RPS6KA2: variants seen among roughly 807,000 people sequenced by gnomAD.
RPS6KA2 encodes ribosomal protein S6 kinase A2, also known as ribosomal protein S6 kinase alpha-2.
In RPS6KA2, 42 loss-of-function variants were observed where a neutral mutation model predicts 91.8. The observed-to-expected ratio is 0.46, with a 90% CI of 0.36 to 0.59. The LOEUF (loss-of-function observed/expected upper bound fraction) is 0.59, where lower values mean the gene tolerates loss of function less well. Ranked by LOEUF, RPS6KA2 falls within the 20% of genes least tolerant of loss-of-function variation. The pLI is 0.00. For missense variants in RPS6KA2, 798 were observed against 978.5 expected, an observed-to-expected ratio of 0.82 and a Z score of 2.46; for synonymous variants, 414 against 393.6, an observed-to-expected ratio of 1.05 and a Z score of -0.61.
At chr6:166,741,175 G>A (rs1239982165) in intron 2 of RPS6KA2, among the ~76,000 whole-genome samples, 1 of 152,226 alleles carries the variant, frequency 6.6e-6, no homozygotes, top group Admixed American at 6.5e-5. Context: ...AACACACAAA[G>A]CCATTCTATG....
intron 2 of RPS6KA2, among the ~76,000 whole-genome samples, chr6:166,697,576 A>G (rs1355859369): frequency 6.6e-6 from 1 of 152,174 alleles, no homozygotes; most frequent in East Asian, 1.9e-4. Context: ...GCAAACAAGA[A>G]CCACACCCTA....
At chr6:166,812,125 C>T (rs558975673) in intron 2 of RPS6KA2, among the ~76,000 whole-genome samples, 5 of 152,180 alleles carry the variant, frequency 3.3e-5, no homozygotes, top group East Asian at 3.9e-4. Context: ...GAGGCCAAGA[C>T]GGGAGGATCA....
chr6:166,504,293 C>A (rs117323317), intron 6 of RPS6KA2, among the ~76,000 whole-genome samples: 2,071 of 152,312 alleles, frequency 0.014, 25 homozygotes, highest in South Asian at 0.026. Flanking sequence ...GAGAATGGGC[C>A]TGGGCATTTC....
At chr6:166,763,722 G>A (rs1778231825) in intron 2 of RPS6KA2, among the ~76,000 whole-genome samples, 1 of 152,224 alleles carries the variant, frequency 6.6e-6, no homozygotes, top group Non-Finnish European at 1.5e-5. Flanking sequence ...TTCGTAAGTA[G>A]TGAGGCACCA....
chr6:166,681,421 C>A lies in RPS6KA2; in HGVS notation c.124-142637G>T, dbSNP rs570578082. Among the ~76,000 whole-genome samples the A allele has an allele frequency of 2.3e-3, 356 of 152,290 alleles. 3 individuals are homozygous for A. The highest frequency in any genetic ancestry group is 6.8e-3 in the Middle Eastern group (2 of 294). ...GAAACCACGCCCTTCTTCTAGATTC[C>A]GTCTTGACATAAGGTCCAAGTTTCT... is the stretch of plus-strand genomic sequence containing the variant. On this transcript the variant is annotated intron_variant, in intron 2 of 21. Coordinates refer to the RPS6KA2 transcript ENST00000503859.
chr6:166,707,128 G>C (rs1789701547), intron 2 of RPS6KA2, among the ~76,000 whole-genome samples: 1 of 152,230 alleles, frequency 6.6e-6, no homozygotes, highest in African/African-American at 2.4e-5. Context: ...AGCAGGCAAA[G>C]GAAGAGAAAA....
chr6:166,455,922 C>T (rs1780088601), intron 12 of RPS6KA2, among the ~76,000 whole-genome samples: 1 of 152,218 alleles, frequency 6.6e-6, no homozygotes, highest in African/African-American at 2.4e-5. Context: ...AGACTCAGAG[C>T]TTGAGCTTAT....
intron 2 of RPS6KA2, among the ~76,000 whole-genome samples, chr6:166,830,624 T>C (rs1479247217): frequency 6.6e-6 from 1 of 152,170 alleles, no homozygotes; most frequent in South Asian, 2.1e-4. Context: ...GACAATTTCC[T>C]ACGAGGCAAG....
At chr6:166,830,807 T>G (rs1035660277) in intron 2 of RPS6KA2, among the ~76,000 whole-genome samples, 6 of 152,178 alleles carry the variant, frequency 3.9e-5, no homozygotes, top group African/African-American at 1.2e-4. Flanking sequence ...CTGTGTGGGA[T>G]CCCAGAGCCA....
intron 2 of RPS6KA2, among the ~76,000 whole-genome samples, chr6:166,777,538 G>C (rs1778656591): frequency 6.6e-6 from 1 of 152,148 alleles, no homozygotes; most frequent in Admixed American, 6.5e-5. Context: ...CAAAAATGGA[G>C]CCAAGAATTC....
At chr6:166,779,620 A>G (rs1778713501) in intron 2 of RPS6KA2, among the ~76,000 whole-genome samples, 1 of 152,210 alleles carries the variant, frequency 6.6e-6, no homozygotes, top group Non-Finnish European at 1.5e-5. Flanking sequence ...TCCAGATCAC[A>G]CAGCCGTGAT....
chr6:166,673,937 T>C (rs9347146), intron 2 of RPS6KA2, among the ~76,000 whole-genome samples: 22,916 of 152,262 alleles, frequency 0.15, 2,027 homozygotes, highest in Middle Eastern at 0.23. Flanking sequence ...ATCAGATAAA[T>C]ATACATAAAG....
chr6:166,649,420 G>A (rs1231387335), intron 2 of RPS6KA2, among the ~76,000 whole-genome samples: 2 of 152,082 alleles, frequency 1.3e-5, no homozygotes, highest in South Asian at 2.1e-4. Flanking sequence ...ATCTGTTTCC[G>A]GGTCATCCTC....
At chr6:166,693,879 C>A (rs568580532) in intron 2 of RPS6KA2, among the ~76,000 whole-genome samples, 110 of 152,204 alleles carry the variant, frequency 7.2e-4, no homozygotes, top group Non-Finnish European at 1.3e-3. Flanking sequence ...CAGGTTACTC[C>A]TGTGGTTTGC....
chr6:166,689,613 C>A (rs192134942), intron 2 of RPS6KA2, among the ~76,000 whole-genome samples: 2 of 152,240 alleles, frequency 1.3e-5, no homozygotes, highest in Admixed American at 6.5e-5. Flanking sequence ...GAGGTGATAC[C>A]CCCCAGGCAG....
chr6:166,842,205 G>A (rs986369752), intron 2 of RPS6KA2, among the ~76,000 whole-genome samples: 11 of 152,310 alleles, frequency 7.2e-5, no homozygotes, highest in African/African-American at 2.6e-4. Flanking sequence ...GCTAGGGGTC[G>A]AATTATGCTC....
At position 166,852,706 on chromosome 6, in the gene RPS6KA2, C is replaced by T. The variant is rs902395044; in HGVS notation, c.123+5494G>A. Among the ~76,000 whole-genome samples, 1 of 152,114 alleles carries T rather than the reference C, an allele frequency of 6.6e-6. No individual in the cohort carries two copies. The highest frequency in any genetic ancestry group is 1.5e-5 in the Non-Finnish European group (1 of 68,008). ...GAGCTGGGCATTGGAGGAGGCCACG[C>T]TGACACGCTCAGGAGCTCATCCCTG... On this transcript the variant is annotated intron_variant, in intron 2 of 21. Transcript: ENST00000503859. The surrounding 1 kb of genome is among the most constrained non-coding windows in gnomAD (Gnocchi z 4.1).
intron 2 of RPS6KA2, chr6:166,701,970 A>T (rs1789534967): frequency 9.7e-7 from 1 of 1,030,572 alleles, no homozygotes. Context: ...CGGCCAACAA[A>T]GTTATTTTGA....
chr6:166,696,327 C>T (rs1562388329), intron 2 of RPS6KA2, among the ~76,000 whole-genome samples: 1 of 152,096 alleles, frequency 6.6e-6, no homozygotes, highest in Non-Finnish European at 1.5e-5. Context: ...TCATCGGAAA[C>T]CTGAATAGGT....
Sources: gnomAD v4.1 joint callset for allele counts (sites outside exome capture counted in the v4.1 genomes callset) on GRCh38, gnomAD v4.1.1 for gene constraint, Gnocchi (gnomAD v3.1) non-coding constraint, MANE v1.5 for transcripts, NCBI Gene and HGNC (gene_info 2026-07-23, HGNC 2026-07-21) for gene names.